Variants in CCDC57 observed in about 807,000 individuals in gnomAD.
The protein encoded by CCDC57 is coiled-coil domain-containing protein 57.
CCDC57 carries 118 observed loss-of-function variants against 118.9 expected under a neutral mutation model. The observed-to-expected ratio is 0.99, with a 90% CI of 0.86 to 1.16. The LOEUF (loss-of-function observed/expected upper bound fraction) is 1.16. Ranked by LOEUF, CCDC57 falls within the 50% of genes most tolerant of loss-of-function variation. CCDC57 has a pLI of 0.00. For missense variants in CCDC57, 1,300 were observed against 1,320.7 expected, an observed-to-expected ratio of 0.98 and a Z score of 0.24; for synonymous variants, 527 against 532.9, an observed-to-expected ratio of 0.99 and a Z score of 0.15.
intron 7 of CCDC57, among the ~76,000 whole-genome samples, chr17:82,190,757 C>A (rs1365391791): frequency 6.7e-6 from 1 of 150,328 alleles, no homozygotes; most frequent in East Asian, 2.0e-4. Context: ...CCACCCAGAA[C>A]CCATGAGTTC....
chr17:82,187,349 A>G (rs2047059935), intron 8 of CCDC57, among the ~76,000 whole-genome samples: 2 of 150,034 alleles, frequency 1.3e-5, no homozygotes, highest in Non-Finnish European at 3.0e-5. Flanking sequence ...CAATTTAAAA[A>G]TTCAGAGAAA....
intron 19 of CCDC57, among the ~76,000 whole-genome samples, chr17:82,123,506 G>T (rs751246248): frequency 6.6e-5 from 10 of 151,954 alleles, no homozygotes; most frequent in Admixed American, 3.9e-4. Flanking sequence ...TTACATACTG[G>T]TAAAGGGAGG....
intron 1 of CCDC57, among the ~76,000 whole-genome samples, chr17:82,211,159 G>A (rs532989040): frequency 1.6e-4 from 24 of 152,124 alleles, no homozygotes; most frequent in Non-Finnish European, 2.2e-4. Context: ...CCCCCAGGAC[G>A]TGACTAGCAC....
In CCDC57 at chr17:82,171,858, CA is replaced by C; in HGVS notation, c.1730-6del. On this transcript the variant is annotated splice_region_variant and splice_polypyrimidine_tract_variant and intron_variant, in intron 12 of 19. Coordinates refer to ENST00000665763, the Ensembl canonical transcript of CCDC57. ...CTTCAAGGGCCAGAACATAATCTGC[CA>C]AAAAAACCTCCAGTGAATATAACAC... The C allele has an allele frequency of 6.2e-7, 1 of 1,608,206 alleles. No homozygotes were observed. Among genetic ancestry groups the C allele is most frequent in the Non-Finnish European group, 8.5e-7 (1 of 1,176,132 alleles).
At chr17:82,135,976 C>A (rs961402283) in intron 16 of CCDC57, among the ~76,000 whole-genome samples, 2 of 152,000 alleles carry the variant, frequency 1.3e-5, no homozygotes, top group Non-Finnish European at 2.9e-5. Context: ...TTAAAAAAAA[C>A]CCCGACAGAA....
At chr17:82,138,665 C>T (rs1053701097) in intron 16 of CCDC57, among the ~76,000 whole-genome samples, 2 of 150,492 alleles carry the variant, frequency 1.3e-5, no homozygotes, top group Non-Finnish European at 1.5e-5. Context: ...TGCCCCGGGT[C>T]GGAAGAGACG....
chr17:82,190,630 G>A (rs1036926250), intron 7 of CCDC57, among the ~76,000 whole-genome samples: 2 of 150,862 alleles, frequency 1.3e-5, no homozygotes, highest in Non-Finnish European at 2.9e-5. Flanking sequence ...AAGAGGCAGA[G>A]GTTGCAGCGA....
chr17:82,158,107 G>GC (rs1197885043), intron 14 of CCDC57, among the ~76,000 whole-genome samples, 159 bp from the exon 14 acceptor site: 1 of 152,152 alleles, frequency 6.6e-6, no homozygotes, highest in African/African-American at 2.4e-5. Context: ...TCAGCCCTCT[G>GC]CCCCCAACCA....
intron 19 of CCDC57, among the ~76,000 whole-genome samples, chr17:82,122,155 A>G (rs1049135764): frequency 4.0e-5 from 6 of 151,748 alleles, no homozygotes; most frequent in African/African-American, 1.5e-4. Context: ...AGCCTCCTAC[A>G]CCGCTCCTTC....
intron 8 of CCDC57, 122 bp from the exon 8 acceptor site, chr17:82,184,054 C>T: frequency 1.7e-6 from 1 of 573,444 alleles, no homozygotes; most frequent in South Asian, 2.2e-5. Flanking sequence ...CACACACACA[C>T]ACACACACAC....
chr17:82,181,027 GGACGGCAAACCACGCAGA>G (rs536688812), intron 9 of CCDC57, among the ~76,000 whole-genome samples: 332 of 152,364 alleles, frequency 2.2e-3, no homozygotes, highest in Middle Eastern at 6.8e-3. Context: ...ATCCCCGCAG[GGACGGCAAACCACGCAGA>G]GCACGGTGGT....
chr17:82,193,688 T>C lies in CCDC57; in HGVS notation c.851+68A>G. The C allele has an allele frequency of 5.0e-6, 7 of 1,412,454 alleles. No homozygotes were observed. The South Asian group carries it at 6.2e-5, about 12-fold the overall frequency. 87.5% of individuals were successfully genotyped at this position (1,412,454 alleles called of 1,614,324 possible). A position where few individuals can be genotyped will look rare whatever the true frequency, so the allele number is the denominator to read the frequency against. On this transcript the variant is annotated intron_variant, in intron 7 of 19. Coordinates refer to ENST00000665763, the Ensembl canonical transcript of CCDC57. ...TCTGCTCCCTGGGCCATCAGCACAA[T>C]GGTTCCACTTCCCTCCTCTCCTGGG...
intron 16 of CCDC57, among the ~76,000 whole-genome samples, chr17:82,148,590 T>TG (rs1469668606): frequency 1.9e-5 from 1 of 52,488 alleles, no homozygotes. Context: ...GGTGGGTGGA[T>TG]GGTAGATGGA....
rs1445517109 is a variant in CCDC57 at position 82,118,850 on chromosome 17, G to A, written c.2899+8842C>T. Among the ~76,000 whole-genome samples the A allele has an allele frequency of 6.6e-6, 1 of 151,826 alleles. No individual in the cohort carries two copies. Among genetic ancestry groups the A allele is most frequent in the Non-Finnish European group, 1.5e-5 (1 of 67,980 alleles). ...CTGTGATTTCTTCACCCGTATCTAAGGTTAACCCTCTTCCGGCCATTTGTA... is the reference window on the plus strand; with the variant it reads ...CTGTGATTTCTTCACCCGTATCTAAAGTTAACCCTCTTCCGGCCATTTGTA... On this transcript the variant is annotated intron_variant, in intron 19 of 19. Transcript: ENST00000665763. This position sits in a 1 kb window ranked among gnomAD's most constrained non-coding sequence, Gnocchi z 4.7.
chr17:82,172,397 A>C lies in CCDC57; in HGVS notation c.1729+241T>G, dbSNP rs1219336222. ...AAACAGGTTTTTAAGTGTGTCAAGC[A>C]GGTACCCTCATTTTTTCCTTCCACT... On this transcript the variant is annotated intron_variant, in intron 12 of 19. Transcript: ENST00000665763. The surrounding 1 kb of genome is among the most constrained non-coding windows in gnomAD (Gnocchi z 5.2). Among the ~76,000 whole-genome samples, 16 of 152,248 alleles carry C rather than the reference A, an allele frequency of 1.1e-4. No individual in the cohort carries two copies. Among genetic ancestry groups the C allele is most frequent in the South Asian group, 8.3e-4 (4 of 4,830 alleles).
intron 4 of CCDC57, among the ~76,000 whole-genome samples, chr17:82,196,372 G>A (rs147318387): frequency 4.6e-5 from 7 of 152,326 alleles, no homozygotes; most frequent in African/African-American, 1.7e-4. Flanking sequence ...TGGTTTCTGA[G>A]AATTCCAAGA....
chr17:82,117,627 C>A (rs2036091201), intron 19 of CCDC57, among the ~76,000 whole-genome samples: 1 of 151,916 alleles, frequency 6.6e-6, no homozygotes, highest in Non-Finnish European at 1.5e-5. Context: ...TACACTCCAG[C>A]CTGGGCGACG....
intron 16 of CCDC57, among the ~76,000 whole-genome samples, chr17:82,144,665 A>C (rs1320569923): frequency 1.3e-5 from 2 of 152,246 alleles, no homozygotes; most frequent in Non-Finnish European, 2.9e-5. Context: ...AAAAGTTATT[A>C]CTTCCAACTC....
chr17:82,104,771 C>A (rs892052287), intron 19 of CCDC57: 1 of 152,252 alleles, frequency 6.6e-6, no homozygotes, highest in African/African-American at 2.4e-5. Context: ...GATCTCCTGA[C>A]CTCGTGATCC....
Sources: gnomAD v4.1 joint callset for allele counts (sites outside exome capture counted in the v4.1 genomes callset) on GRCh38, gnomAD v4.1.1 for gene constraint, Gnocchi (gnomAD v3.1) non-coding constraint, MANE v1.5 for transcripts, NCBI Gene and HGNC (gene_info 2026-07-23, HGNC 2026-07-21) for gene names.